The following ZNF385D variants were observed in gnomAD, a reference collection of about 807,000 sequenced individuals.
ZNF385D encodes the protein zinc finger protein 659.
Under a neutral mutation model 35.8 loss-of-function variants are expected in ZNF385D, and 15 were observed. The ratio of observed to expected loss-of-function variants is 0.42; its 90% confidence interval spans 0.28 to 0.64. The LOEUF is 0.64. Among genes scored for constraint, ZNF385D ranks in the 30% least tolerant of loss-of-function variants. ZNF385D has a pLI of 0.23. For missense variants in ZNF385D, 474 were observed against 494.6 expected (o/e 0.96, Z 0.39); for synonymous variants, 212 against 186.8 (o/e 1.13, Z -1.10).
chr3:22,128,554 T>A (rs541254570), intron 3 of ZNF385D, among the ~76,000 whole-genome samples: 40 of 152,258 alleles, frequency 2.6e-4, no homozygotes, highest in Middle Eastern at 6.8e-3. Context: ...TGTATGTGTG[T>A]CTTATTATTT....
intron 3 of ZNF385D, among the ~76,000 whole-genome samples, chr3:22,035,311 T>C (rs1423552244): frequency 1.3e-5 from 2 of 152,184 alleles, no homozygotes; most frequent in Non-Finnish European, 2.9e-5. Context: ...GGCTGGACAG[T>C]CTTGTTCCCA....
intron 3 of ZNF385D, among the ~76,000 whole-genome samples, chr3:21,965,329 C>T (rs677508): frequency 0.57 from 86,678 of 152,004 alleles, 26,547 homozygotes; most frequent in African/African-American, 0.79. Flanking sequence ...AAATCAATTA[C>T]TGAGTACTTA....
intron 4 of ZNF385D, among the ~76,000 whole-genome samples, chr3:21,453,242 T>C (rs1702575089): frequency 6.6e-6 from 1 of 151,352 alleles, no homozygotes; most frequent in Admixed American, 6.6e-5. Context: ...AACCTAAATG[T>C]AGGAGGAAAA....
At chr3:22,212,449 A>C (rs1697586089) in intron 2 of ZNF385D, among the ~76,000 whole-genome samples, 1 of 152,074 alleles carries the variant, frequency 6.6e-6, no homozygotes. Context: ...GCTCTGATCC[A>C]CCTGTTACAA....
intron 3 of ZNF385D, among the ~76,000 whole-genome samples, chr3:21,866,552 G>C (rs891928016): frequency 1.3e-5 from 2 of 152,148 alleles, no homozygotes; most frequent in South Asian, 2.1e-4. Context: ...CTGGAGCAAG[G>C]GCTCATTAAA....
intron 3 of ZNF385D, among the ~76,000 whole-genome samples, chr3:22,022,966 A>G (rs895016382): frequency 1.3e-5 from 2 of 152,156 alleles, no homozygotes; most frequent in African/African-American, 2.4e-5. Flanking sequence ...GAAAATAAAA[A>G]TTGGGAGTCT....
At chr3:22,266,165 A>C (rs1700885131) in intron 2 of ZNF385D, among the ~76,000 whole-genome samples, 1 of 151,886 alleles carries the variant, frequency 6.6e-6, no homozygotes, top group African/African-American at 2.4e-5. Context: ...TACTCTTTCC[A>C]TTTGGACCTT....
At chr3:22,120,193 CA>C (rs1703018238) in intron 3 of ZNF385D, among the ~76,000 whole-genome samples, 1 of 151,928 alleles carries the variant, frequency 6.6e-6, no homozygotes, top group Non-Finnish European at 1.5e-5. Flanking sequence ...AGGGCTGCCA[CA>C]ACAAAATACC....
intron 2 of ZNF385D, among the ~76,000 whole-genome samples, chr3:22,242,560 C>T (rs1480510810): frequency 6.6e-6 from 1 of 150,816 alleles, no homozygotes; most frequent in Non-Finnish European, 1.5e-5. Flanking sequence ...TACAAAACAC[C>T]TAACCAGTAC....
chr3:21,632,677 G>T (rs964937168), intron 2 of ZNF385D, among the ~76,000 whole-genome samples: 12 of 152,110 alleles, frequency 7.9e-5, no homozygotes, highest in Non-Finnish European at 1.6e-4. Flanking sequence ...AACGACAAAT[G>T]TATTTTCAGA....
intron 4 of ZNF385D, 60 bp from the exon 5 acceptor site, chr3:21,437,263 C>A: frequency 1.4e-6 from 2 of 1,470,110 alleles, no homozygotes; most frequent in South Asian, 1.3e-5. Context: ...TTTCCCTATT[C>A]AGGAATGTAT....
chr3:22,068,391 C>T (rs771702988), intron 3 of ZNF385D, among the ~76,000 whole-genome samples: 1 of 152,192 alleles, frequency 6.6e-6, no homozygotes, highest in Non-Finnish European at 1.5e-5. Flanking sequence ...AGATACTGTC[C>T]TTAAGTCCTA....
At chr3:22,175,735 T>G (rs572408438) in intron 2 of ZNF385D, among the ~76,000 whole-genome samples, 148 of 151,700 alleles carry the variant, frequency 9.8e-4, no homozygotes, top group African/African-American at 3.4e-3. Flanking sequence ...ATATACATAC[T>G]GTATATATGT....
At chr3:22,189,810 C>A (rs896542271) in intron 2 of ZNF385D, among the ~76,000 whole-genome samples, 1 of 152,132 alleles carries the variant, frequency 6.6e-6, no homozygotes, top group African/African-American at 2.4e-5. Context: ...TTAATAGACA[C>A]AGACATGGGC....
chr3:22,115,950 C>T (rs770603232), intron 3 of ZNF385D, among the ~76,000 whole-genome samples: 12 of 151,982 alleles, frequency 7.9e-5, no homozygotes, highest in African/African-American at 1.4e-4. Context: ...GTTGCAGCCA[C>T]GACCACTTCC....
intron 2 of ZNF385D, among the ~76,000 whole-genome samples, chr3:22,320,080 A>C (rs955981822): frequency 2.0e-5 from 3 of 151,258 alleles, no homozygotes; most frequent in African/African-American, 7.3e-5. Context: ...TTTAAGGAGT[A>C]CATAGGTGCT....
chr3:21,628,096 G>A (rs1223242629), intron 2 of ZNF385D, among the ~76,000 whole-genome samples: 6 of 151,954 alleles, frequency 3.9e-5, no homozygotes, highest in African/African-American at 7.3e-5. Context: ...CTAACTCTAC[G>A]GACAAAGGCC....
chr3:22,168,667 G>T, intron 3 of ZNF385D: 1 of 325,400 alleles, frequency 3.1e-6, no homozygotes, highest in South Asian at 1.2e-4. Flanking sequence ...GAGAAATGAT[G>T]TATTTTAATG....
intron 2 of ZNF385D, among the ~76,000 whole-genome samples, chr3:22,264,657 T>C (rs1000041961): frequency 6.6e-6 from 1 of 152,002 alleles, no homozygotes. Flanking sequence ...GTCTCCCTAC[T>C]GCATTCTGTA....
Sources: allele counts gnomAD v4.1 joint callset (sites outside exome capture counted in the v4.1 genomes callset), GRCh38; gene constraint gnomAD v4.1.1; transcripts MANE v1.5; gene names NCBI Gene and HGNC (gene_info 2026-07-23, HGNC 2026-07-21).